RNF180: variants seen among roughly 807,000 people sequenced by gnomAD.
The protein encoded by RNF180 is ring finger protein 180, also known as E3 ubiquitin-protein ligase RNF180.
RNF180 carries 38 observed loss-of-function variants against 59.2 expected under a neutral mutation model. That is an observed-to-expected ratio of 0.64 (90% CI 0.50 to 0.84). The LOEUF is 0.84. RNF180 is among the 40% of genes least tolerant of loss of function. The pLI is 0.00. For missense variants in RNF180, 705 were observed against 700.9 expected (o/e 1.01, Z -0.07); for synonymous variants, 262 against 240.3 (o/e 1.09, Z -0.84).
At chr5:64,282,323 TTG>T (rs1362332746) in intron 5 of RNF180, among the ~76,000 whole-genome samples, 1 of 152,200 alleles carries the variant, frequency 6.6e-6, no homozygotes, top group East Asian at 1.9e-4. Flanking sequence ...ATTTTCTAGT[TTG>T]TGTGCATAGA....
At chr5:64,184,756 G>T (rs1750791412) in intron 1 of RNF180, among the ~76,000 whole-genome samples, 1 of 152,136 alleles carries the variant, frequency 6.6e-6, no homozygotes, top group South Asian at 2.1e-4. Flanking sequence ...GGCGGATATG[G>T]TGTGAAACTC....
chr5:64,277,856 A>G lies in RNF180; in HGVS notation c.1228-47330A>G, dbSNP rs565058870. The stretch of plus-strand genomic sequence containing the variant: ...TTGAGCATACTTTTCCTTTGGTCTC[A>G]TTGGCCAAAGCTGGGCCAACTCTAG... On this transcript the variant is annotated intron_variant, in intron 5 of 7. Transcript: ENST00000389100. Among the ~76,000 whole-genome samples the G allele has an allele frequency of 2.0e-5, 3 of 152,252 alleles. No individual in the cohort carries two copies. In the South Asian group the frequency reaches 6.2e-4, roughly 32 times the overall value.
In RNF180 at chr5:64,325,426, T is replaced by C. The variant is rs1272044174; in HGVS notation, c.1453+15T>C. 2 of 1,458,362 alleles carry C rather than the reference T, an allele frequency of 1.4e-6. No homozygotes were observed. The highest frequency in any genetic ancestry group is 2.8e-5 in the African/African-American group (2 of 71,096). 90.3% of individuals were successfully genotyped at this position (1,458,362 alleles called of 1,614,324 possible). Reference sequence around the variant, plus strand: ...TTTCCAAACAGGTAACAATTCTCTTTCATTAACATGATTGTCTGATTATTC... The same window carrying C: ...TTTCCAAACAGGTAACAATTCTCTTCCATTAACATGATTGTCTGATTATTC... On this transcript the variant is annotated intron_variant, in intron 6 of 7. Coordinates refer to ENST00000389100, the MANE Select transcript of RNF180 (RefSeq NM_001113561.2).
At position 64,264,469 on chromosome 5, in the gene RNF180, G is replaced by A. The variant is rs187047048; in HGVS notation, c.1227+47073G>A. Among the ~76,000 whole-genome samples, 66 of 152,178 alleles carry A rather than the reference G, an allele frequency of 4.3e-4. 1 individual carries two copies. In the East Asian group the frequency reaches 0.013, roughly 29 times the overall value. On this transcript the variant is annotated intron_variant, in intron 5 of 7. Coordinates refer to ENST00000389100, the MANE Select transcript of RNF180 (RefSeq NM_001113561.2). ...TTGTTCAGTTCCCACTTATGAGTGA[G>A]AACATGCAGTGTTTTGTTTTCTGTT...
intron 4 of RNF180, among the ~76,000 whole-genome samples, chr5:64,215,665 A>G (rs925179342): frequency 9.9e-5 from 15 of 152,162 alleles, no homozygotes; most frequent in Non-Finnish European, 1.5e-4. Flanking sequence ...CTTAAACTGT[A>G]AAATTCAAAA....
chr5:64,260,860 C>T (rs1744297271), intron 5 of RNF180, among the ~76,000 whole-genome samples: 1 of 151,960 alleles, frequency 6.6e-6, no homozygotes, highest in Non-Finnish European at 1.5e-5. Context: ...ACAATGCTTT[C>T]CACATAGTAA....
rs746909826 is a variant in RNF180 at position 64,336,990 on chromosome 5, CT to C, written c.1579+6591del. On this transcript the variant is annotated intron_variant, in intron 7 of 7. Coordinates refer to ENST00000389100, the MANE Select transcript of RNF180 (RefSeq NM_001113561.2). ...CCACAGAGGTTTTCACTTTGATTTT[CT>C]TTTTTTGTTGTTGTTTTTTTTTTGT... Among the ~76,000 whole-genome samples the C allele has an allele frequency of 1.3e-4, 18 of 137,176 alleles. No individual in the cohort carries two copies. The South Asian group carries it at 3.1e-3, about 24-fold the overall frequency. The allele number at this position is 137,176 out of a possible 152,430, so 90.0% of individuals were successfully genotyped here.
intron 1 of RNF180, among the ~76,000 whole-genome samples, chr5:64,196,763 A>G (rs1751476386): frequency 6.6e-6 from 1 of 152,036 alleles, no homozygotes; most frequent in South Asian, 2.1e-4. Context: ...AAGTTATATT[A>G]CTCTTATAGA....
At chr5:64,277,443 A>G (rs906509393) in intron 5 of RNF180, among the ~76,000 whole-genome samples, 5 of 152,150 alleles carry the variant, frequency 3.3e-5, no homozygotes, top group African/African-American at 1.2e-4. Context: ...ATGGGCACAC[A>G]TGCTTTTGTA....
chr5:64,248,201 A>G (rs187630612), intron 5 of RNF180, among the ~76,000 whole-genome samples: 143 of 152,328 alleles, frequency 9.4e-4, no homozygotes, highest in African/African-American at 3.4e-3. Flanking sequence ...GGCGTGGGCA[A>G]AGACTTCATG....
chr5:64,224,207 G>A (rs1284117060), intron 5 of RNF180, among the ~76,000 whole-genome samples: 1 of 152,026 alleles, frequency 6.6e-6, no homozygotes, highest in Non-Finnish European at 1.5e-5. Flanking sequence ...AGTTGATAGA[G>A]TCCTTGACAA....
intron 5 of RNF180, among the ~76,000 whole-genome samples, chr5:64,272,823 T>A (rs1741494624): frequency 6.6e-6 from 1 of 151,854 alleles, no homozygotes; most frequent in South Asian, 2.1e-4. Flanking sequence ...ATTGAATTAG[T>A]TAAAGAAAAT....
At chr5:64,202,185 C>CA in intron 2 of RNF180, among the ~76,000 whole-genome samples, 1 of 152,342 alleles carries the variant, frequency 6.6e-6, no homozygotes, top group South Asian at 2.1e-4. Flanking sequence ...GTCTCCCTCT[C>CA]ACTGATGTCT....
chr5:64,352,129 T>G (rs889327735), intron 7 of RNF180, among the ~76,000 whole-genome samples: 6 of 151,964 alleles, frequency 3.9e-5, no homozygotes, highest in Admixed American at 2.6e-4. Flanking sequence ...GTTTAGTCTT[T>G]GGAGGGTGTA....
intron 5 of RNF180, among the ~76,000 whole-genome samples, chr5:64,240,758 A>C (rs890626357): frequency 6.6e-6 from 1 of 152,208 alleles, no homozygotes; most frequent in African/African-American, 2.4e-5. Flanking sequence ...GCCCTGAGGT[A>C]TCCACATAAG....
intron 5 of RNF180, among the ~76,000 whole-genome samples, chr5:64,273,642 C>T (rs926697259): frequency 6.6e-6 from 1 of 151,654 alleles, no homozygotes; most frequent in African/African-American, 2.4e-5. Context: ...CTAGTAACAG[C>T]AGAAAGTGGG....
At chr5:64,278,369 G>A (rs911393943) in intron 5 of RNF180, among the ~76,000 whole-genome samples, 2 of 152,124 alleles carry the variant, frequency 1.3e-5, no homozygotes, top group African/African-American at 2.4e-5. Context: ...AGTCTCAAGA[G>A]ACACAGACAG....
At chr5:64,287,254 C>A (rs566615647) in intron 5 of RNF180, among the ~76,000 whole-genome samples, 38 of 152,128 alleles carry the variant, frequency 2.5e-4, no homozygotes, top group Non-Finnish European at 4.9e-4. Flanking sequence ...CGTGAGCCAC[C>A]GTGCCTAGTC....
intron 1 of RNF180, among the ~76,000 whole-genome samples, chr5:64,192,627 G>A (rs1056946225): frequency 6.6e-6 from 1 of 151,864 alleles, no homozygotes; most frequent in Non-Finnish European, 1.5e-5. Context: ...AGCCGAGATC[G>A]CGCCACTGCA....
Sources: allele counts gnomAD v4.1 joint callset (sites outside exome capture counted in the v4.1 genomes callset), GRCh38; gene constraint gnomAD v4.1.1; transcripts MANE v1.5; gene names NCBI Gene and HGNC (gene_info 2026-07-23, HGNC 2026-07-21).